Variants in AP3B1 observed in about 807,000 individuals in gnomAD.
AP3B1 encodes AP-3 complex subunit beta-1.
A neutral mutation model predicts 132.5 loss-of-function variants in AP3B1; 61 were observed. That is an observed-to-expected ratio of 0.46 (90% CI 0.37 to 0.57). The LOEUF (loss-of-function observed/expected upper bound fraction) is 0.57, where lower values mean the gene tolerates loss of function less well. Ranked by LOEUF, AP3B1 falls within the 20% of genes least tolerant of loss-of-function variation. The pLI, the probability that AP3B1 is intolerant of heterozygous loss-of-function variation, is 0.00. For synonymous variants in AP3B1, 388 were observed against 438.3 expected (o/e 0.89, Z 1.43); for missense variants, 1,120 against 1,289.4 (o/e 0.87, Z 2.01).
intron 1 of AP3B1, among the ~76,000 whole-genome samples, chr5:78,285,661 C>T (rs537307299): frequency 1.2e-3 from 132 of 106,586 alleles, no homozygotes; most frequent in Non-Finnish European, 2.0e-3. Context: ...GGTCCCTTTC[C>T]CCCTTTAAAA....
chr5:78,078,374 C>A (rs999532446), intron 22 of AP3B1, among the ~76,000 whole-genome samples: 5 of 152,200 alleles, frequency 3.3e-5, no homozygotes, highest in African/African-American at 1.2e-4. Context: ...AAACAAAGAT[C>A]TGATCACTAT....
chr5:78,235,484 T>C (rs1279371355), intron 3 of AP3B1, among the ~76,000 whole-genome samples: 1 of 152,184 alleles, frequency 6.6e-6, no homozygotes, highest in African/African-American at 2.4e-5. Context: ...ATAACAATAT[T>C]AAATCACAGA....
rs563012039 is a variant in AP3B1, at chr5:78,028,287, C to A, written c.2894+6074G>T. ...CTAGCCTGGCCAATATGGTGAAACCCTGTCTCTACTGAAAATACTACAATT... is the reference window on the plus strand; with the variant it reads ...CTAGCCTGGCCAATATGGTGAAACCATGTCTCTACTGAAAATACTACAATT... On this transcript the variant is annotated intron_variant, in intron 24 of 26. Coordinates refer to ENST00000255194, the MANE Select transcript of AP3B1 (RefSeq NM_003664.5). 2.2e-4 allele frequency among the ~76,000 whole-genome samples: 34 copies of A among 151,924 alleles called. No individual in the cohort carries two copies. The East Asian group carries it at 2.3e-3, about 10-fold the overall frequency.
intron 3 of AP3B1, 39 bp downstream of exon 3, chr5:78,240,823 A>G: frequency 1.4e-6 from 2 of 1,419,854 alleles, no homozygotes; most frequent in Non-Finnish European, 2.0e-6. Flanking sequence ...GTCCCATGAA[A>G]ACAAAAGGAA....
At chr5:78,022,420 G>A (rs1255608053) in intron 24 of AP3B1, among the ~76,000 whole-genome samples, 2 of 152,158 alleles carry the variant, frequency 1.3e-5, no homozygotes, top group South Asian at 2.1e-4. Context: ...GGAATGATGA[G>A]CAGCCTAATA....
At chr5:78,233,255 C>T (rs1303132956) in intron 3 of AP3B1, among the ~76,000 whole-genome samples, 8 of 134,844 alleles carry the variant, frequency 5.9e-5, no homozygotes, top group Non-Finnish European at 1.1e-4. Flanking sequence ...TTTTTTGAGA[C>T]GGCGTTTTGC....
At chr5:78,153,790 T>C (rs1743001235) in intron 14 of AP3B1, among the ~76,000 whole-genome samples, 1 of 152,198 alleles carries the variant, frequency 6.6e-6, no homozygotes, top group South Asian at 2.1e-4. Flanking sequence ...TCCATTATTT[T>C]AAACTGATGA....
intron 11 of AP3B1, among the ~76,000 whole-genome samples, chr5:78,169,816 AT>A (rs1417213132): frequency 6.6e-6 from 1 of 151,908 alleles, no homozygotes; most frequent in Non-Finnish European, 1.5e-5. Context: ...TGCAGGTTTG[AT>A]ACATAGGTAT....
chr5:78,162,855 G>C lies in AP3B1; in HGVS notation c.1327C>G (p.Leu443Val). The C allele has an allele frequency of 6.2e-7, 1 of 1,614,030 alleles. No individual in the cohort carries two copies. Among genetic ancestry groups the C allele is most frequent in the South Asian group, 1.1e-5 (1 of 91,074 alleles). Residue 443 changes from leucine to valine, a missense_variant, in exon 13 of 27, where the codon CTC becomes GTC. Physicochemically the swap from Leu to Val is conservative, Grantham distance 32 (BLOSUM62 1). This residue lies in a region of AP3B1 where 906 missense variants were observed against 997.1 expected (regional missense o/e 0.91). Coordinates refer to ENST00000255194, the MANE Select transcript of AP3B1 (RefSeq NM_003664.5). ...GACAGCAGACAGACCAAGCCATTGA[G>C]GCACGTGTCAGTGACTTCCAAGATG... The part of the protein sequence containing the change: ...TNILEVTDTC[L>V]NGLVCLLSNR...
chr5:78,126,537 C>T (rs1183072646), intron 17 of AP3B1, among the ~76,000 whole-genome samples: 3 of 132,236 alleles, frequency 2.3e-5, no homozygotes, highest in Non-Finnish European at 4.7e-5. Flanking sequence ...AAAAAAATTG[C>T]ACAAATAAGG....
intron 1 of AP3B1, among the ~76,000 whole-genome samples, chr5:78,273,958 CT>C (rs1409955148): frequency 6.7e-6 from 1 of 149,276 alleles, no homozygotes; most frequent in Non-Finnish European, 1.5e-5. Context: ...TCCTAAATAC[CT>C]AGCATCTGAT....
intron 22 of AP3B1, among the ~76,000 whole-genome samples, chr5:78,047,033 A>G (rs538403456): frequency 7.0e-4 from 106 of 152,274 alleles, no homozygotes; most frequent in African/African-American, 2.2e-3. Flanking sequence ...ACATGAACTC[A>G]TCCTTTTTTA....
chr5:78,136,670 T>A (rs957455370), intron 15 of AP3B1, among the ~76,000 whole-genome samples: 2 of 152,106 alleles, frequency 1.3e-5, no homozygotes, highest in Non-Finnish European at 2.9e-5. Context: ...GCAGTATCAT[T>A]GTAGTATTTA....
rs77249088 is a variant in AP3B1, at chr5:78,167,632, TAC to T, written c.1168-1962_1168-1961del. 6.8e-3 allele frequency among the ~76,000 whole-genome samples: 983 copies of T among 145,504 alleles called. 8 individuals are homozygous for T. The highest frequency in any genetic ancestry group is 0.02 in the African/African-American group (780 of 39,040). On this transcript the variant is annotated intron_variant, in intron 11 of 26. Transcript: ENST00000255194. The stretch of plus-strand genomic sequence containing the variant: ...GTGGATAAAGAACATGTTATATATA[TAC>T]ACACACACACACACACACACACACA...
chr5:78,122,636 C>A (rs973725831), intron 17 of AP3B1, among the ~76,000 whole-genome samples: 18 of 152,146 alleles, frequency 1.2e-4, no homozygotes, highest in African/African-American at 3.6e-4. Flanking sequence ...ATCCAACTTA[C>A]AAGGGATGGG....
intron 22 of AP3B1, chr5:78,087,603 C>T (rs953517104): frequency 2.0e-6 from 2 of 985,246 alleles, no homozygotes; most frequent in African/African-American, 1.7e-5. Flanking sequence ...TGTGGTCCTG[C>T]TTCACTCAGC....
chr5:78,072,871 GC>G (rs1255665123), intron 22 of AP3B1, among the ~76,000 whole-genome samples: 1 of 151,810 alleles, frequency 6.6e-6, no homozygotes, highest in Non-Finnish European at 1.5e-5. Context: ...AAAGGCACAA[GC>G]CACCATGCCC....
chr5:78,096,422 C>A (rs1231378483), intron 21 of AP3B1, among the ~76,000 whole-genome samples: 1 of 152,114 alleles, frequency 6.6e-6, no homozygotes, highest in Admixed American at 6.5e-5. Context: ...CAGCCTCTGC[C>A]CGGCCGCCAC....
At chr5:78,031,575 G>T (rs1350966240) in intron 24 of AP3B1, among the ~76,000 whole-genome samples, 1 of 152,094 alleles carries the variant, frequency 6.6e-6, no homozygotes, top group South Asian at 2.1e-4. Context: ...TGTGTATGTT[G>T]CCTGCTGTCA....
Sources: gnomAD v4.1 joint callset for allele counts (sites outside exome capture counted in the v4.1 genomes callset) on GRCh38, gnomAD v4.1.1 for gene constraint, gnomAD v4.1.1 regional missense constraint, MANE v1.5 for transcripts, NCBI Gene and HGNC (gene_info 2026-07-23, HGNC 2026-07-21) for gene names.